SEMA4D: variants seen among roughly 807,000 people sequenced by gnomAD.
The protein encoded by SEMA4D is semaphorin 4D, also known as semaphorin-4D.
In SEMA4D, 22 loss-of-function variants were observed where a neutral mutation model predicts 74.8. The observed-to-expected ratio is 0.29, with a 90% confidence interval of 0.21 to 0.42. SEMA4D has a LOEUF of 0.42. SEMA4D is among the 10% of genes least tolerant of loss of function. The probability of loss-of-function intolerance (pLI) is 1.00; values close to 1 mark genes in which losing one functional copy is unlikely to be tolerated. For missense variants in SEMA4D, 937 were observed against 1,118.4 expected, an observed-to-expected ratio of 0.84 and a Z score of 2.31; for synonymous variants, 445 against 463.7, an observed-to-expected ratio of 0.96 and a Z score of 0.52.
chr9:89,365,685 C>A, intron 16 of SEMA4D: 1 of 152,396 alleles, frequency 6.6e-6, no homozygotes, highest in Non-Finnish European at 1.5e-5. Context: ...AAAGTACCTG[C>A]ACACACAAAA....
chr9:89,363,517 G>A lies in SEMA4D; in HGVS notation c.2103C>T (p.His701=), dbSNP rs768111369. The change falls in exon 18 of 19, where the codon CAC becomes CAT. Residue 701 remains histidine, a synonymous_variant. Coordinates refer to the SEMA4D transcript ENST00000339861. ...AGAGCTCTCTGGTCCACCTCTCCTGGTGGGTCACTTCTGGAAAACAAGCAG... is the reference window on the plus strand; with the variant it reads ...AGAGCTCTCTGGTCCACCTCTCCTGATGGGTCACTTCTGGAAAACAAGCAG... The A allele has an allele frequency of 8.1e-6, 13 of 1,613,948 alleles. No homozygotes were observed. The Admixed American group carries it at 1.7e-4, about 21-fold the overall frequency.
At chr9:89,385,940 G>C (rs1703567491) in intron 13 of SEMA4D, 2 of 984,032 alleles carry the variant, frequency 2.0e-6, no homozygotes, top group African/African-American at 3.5e-5. Context: ...CACAGGTGGA[G>C]ACAGCTTTAC....
intron 2 of SEMA4D, among the ~76,000 whole-genome samples, chr9:89,410,763 A>C (rs1008454554): frequency 6.6e-6 from 1 of 152,194 alleles, no homozygotes; most frequent in Non-Finnish European, 1.5e-5. Context: ...CCCACACCAG[A>C]CACATCATCC....
Position 89,378,980 on chromosome 9 carries a change from T to C in SEMA4D, c.2313A>G (p.Leu771=), listed in dbSNP as rs1836351326. ...PRQCLKFRSA[L]LIGKKKPKSD... ...ACTTGGGCTTCTTCTTCCCAATTAGTAGGGCCGAGCGGAATTTCAAGCACT... is the reference window on the plus strand; with the variant it reads ...ACTTGGGCTTCTTCTTCCCAATTAGCAGGGCCGAGCGGAATTTCAAGCACT... The change falls in exon 16 of 16, where the codon CTA becomes CTG. Residue 771 remains leucine, a synonymous_variant. Coordinates refer to ENST00000422704, the MANE Select transcript of SEMA4D (RefSeq NM_001371194.2). The C allele has an allele frequency of 1.9e-6, 3 of 1,613,814 alleles. No individual in the cohort carries two copies. The East Asian group carries it at 6.7e-5, about 36-fold the overall frequency.
chr9:89,377,145 C>G, downstream of SEMA4D: 1 of 1,445,348 alleles, frequency 6.9e-7, no homozygotes, highest in Non-Finnish European at 9.1e-7. Flanking sequence ...CAGCAGGAAA[C>G]GGACAGAAAA....
chr9:89,435,151 G>C (rs2134826877), intron 2 of SEMA4D, among the ~76,000 whole-genome samples: 1 of 152,296 alleles, frequency 6.6e-6, no homozygotes, highest in Non-Finnish European at 1.5e-5. Flanking sequence ...CCCAGGGCAT[G>C]TGGAGGACAG....
At chr9:89,401,976 C>T (rs1475021240) in intron 4 of SEMA4D, among the ~76,000 whole-genome samples, 4 of 151,640 alleles carry the variant, frequency 2.6e-5, no homozygotes, top group Non-Finnish European at 5.9e-5. Flanking sequence ...TGGAGAAGCC[C>T]GCCTCACAGC....
chr9:89,479,122 C>T (rs1439576514), intron 1 of SEMA4D, among the ~76,000 whole-genome samples: 2 of 152,186 alleles, frequency 1.3e-5, no homozygotes, highest in East Asian at 3.9e-4. Flanking sequence ...TTCCTCACAG[C>T]ATGGCTGCCA....
Position 89,384,630 on chromosome 9 carries a change from G to A in SEMA4D, c.1446+1737C>T, listed in dbSNP as rs540423049. On this transcript the variant is annotated intron_variant, in intron 13 of 15. Coordinates refer to ENST00000422704, the MANE Select transcript of SEMA4D (RefSeq NM_001371194.2). ...GTGCACAATGAAAAATGGTTAAGAC[G>A]GCAAATTTCATCTGATGTGTATTTA... 21 of 981,094 alleles carry A rather than the reference G, an allele frequency of 2.1e-5. No homozygotes were observed. In the African/African-American group the frequency reaches 2.6e-4, roughly 12 times the overall value. The allele number at this position is 981,094 out of a possible 1,614,324, so 60.8% of individuals were successfully genotyped here. A position where few individuals can be genotyped will look rare whatever the true frequency, so the allele number is the denominator to read the frequency against.
At chr9:89,447,184 G>A (rs886180040) in intron 2 of SEMA4D, among the ~76,000 whole-genome samples, 7 of 152,106 alleles carry the variant, frequency 4.6e-5, no homozygotes, top group Admixed American at 2.0e-4. Context: ...TGGAACAGGA[G>A]CAGGTTCAGA....
intron 1 of SEMA4D, among the ~76,000 whole-genome samples, chr9:89,475,908 G>C (rs898979992): frequency 2.0e-5 from 3 of 152,190 alleles, no homozygotes; most frequent in Admixed American, 6.5e-5. Flanking sequence ...GCATGTCCAA[G>C]CCATGTCACA....
At chr9:89,363,267 T>C (rs915438397) in intron 18 of SEMA4D, among the ~76,000 whole-genome samples, 20 of 151,670 alleles carry the variant, frequency 1.3e-4, no homozygotes, top group African/African-American at 3.6e-4. Context: ...ACGTGGGATT[T>C]CCCCCCCCAG....
Position 89,440,355 on chromosome 9 carries a change from A to G in SEMA4D, c.-244+15533T>C, listed in dbSNP as rs191832168. 7.2e-3 allele frequency among the ~76,000 whole-genome samples: 1,103 copies of G among 152,260 alleles called. 12 individuals carry two copies. The highest frequency in any genetic ancestry group is 0.025 in the African/African-American group (1,051 of 41,522). On this transcript the variant is annotated intron_variant, in intron 2 of 15. Coordinates refer to ENST00000422704, the MANE Select transcript of SEMA4D (RefSeq NM_001371194.2). Reference sequence around the variant, plus strand: ...TGGTATAGCTACATGAGTATCTCGAAACTCCAAATCTGGTCTTGACATGCC... The same window carrying G: ...TGGTATAGCTACATGAGTATCTCGAGACTCCAAATCTGGTCTTGACATGCC...
At chr9:89,483,812 A>G (rs1824921412) in intron 1 of SEMA4D, among the ~76,000 whole-genome samples, 1 of 152,190 alleles carries the variant, frequency 6.6e-6, no homozygotes, top group Non-Finnish European at 1.5e-5. Flanking sequence ...CCAGCCAGGC[A>G]TGAGACACCC....
At chr9:89,423,144 T>G (rs796211399) in intron 2 of SEMA4D, among the ~76,000 whole-genome samples, 2 of 152,250 alleles carry the variant, frequency 1.3e-5, no homozygotes, top group African/African-American at 4.8e-5. Flanking sequence ...TTTTGCAAAG[T>G]AATACTATAT....
intron 2 of SEMA4D, among the ~76,000 whole-genome samples, chr9:89,413,719 ATG>A (rs1252177056): frequency 1.3e-5 from 2 of 152,302 alleles, no homozygotes; most frequent in East Asian, 3.9e-4. Flanking sequence ...GCATCTGTGT[ATG>A]TGTGTGTATA....
intron 2 of SEMA4D, among the ~76,000 whole-genome samples, chr9:89,453,199 G>A (rs1042682567): frequency 6.6e-6 from 1 of 152,200 alleles, no homozygotes; most frequent in Non-Finnish European, 1.5e-5. Flanking sequence ...AGACCCTAGG[G>A]AGGCTGGGCA....
At chr9:89,387,642 C>A in intron 11 of SEMA4D, 34 bp from the exon 12 acceptor site, 2 of 1,596,262 alleles carry the variant, frequency 1.3e-6, no homozygotes, top group South Asian at 2.2e-5. Flanking sequence ...TTAACGTGCT[C>A]GTGTCCCACC....
At chr9:89,379,723 C>A in intron 15 of SEMA4D, 94 bp from the exon 16 acceptor site, 1 of 1,391,402 alleles carries the variant, frequency 7.2e-7, no homozygotes. Flanking sequence ...GCAAGAGTTT[C>A]ACCCACTGTA....
Sources: gnomAD v4.1 joint callset for allele counts (sites outside exome capture counted in the v4.1 genomes callset) on GRCh38, gnomAD v4.1.1 for gene constraint, MANE v1.5 for transcripts, NCBI Gene and HGNC (gene_info 2026-07-23, HGNC 2026-07-21) for gene names.